Variants in PLD5 observed in about 807,000 individuals in gnomAD.
PLD5 encodes the protein inactive phospholipase D5.
A neutral mutation model predicts 61.1 loss-of-function variants in PLD5; 36 were observed. That is an observed-to-expected ratio of 0.59 (90% confidence interval 0.45 to 0.78). The LOEUF is 0.78. Among genes scored for constraint, PLD5 ranks in the 30% least tolerant of loss-of-function variants. The pLI, the probability that PLD5 is intolerant of heterozygous loss-of-function variation, is 0.00. For missense variants in PLD5, 515 were observed against 644.4 expected, an observed-to-expected ratio of 0.80 and a Z score of 2.17; for synonymous variants, 243 against 242.8, an observed-to-expected ratio of 1.00 and a Z score of -0.01.
At chr1:242,411,561 T>C (rs555452815) in intron 1 of PLD5, among the ~76,000 whole-genome samples, 1 of 152,328 alleles carries the variant, frequency 6.6e-6, no homozygotes, top group South Asian at 2.1e-4. Context: ...AGCATTGTGC[T>C]TTAATGAGAG....
chr1:242,517,952 G>C (rs753094379), intron 1 of PLD5, among the ~76,000 whole-genome samples: 26 of 152,002 alleles, frequency 1.7e-4, no homozygotes, highest in Admixed American at 5.9e-4. Flanking sequence ...GTTATTGCTG[G>C]ATCAGACCTA....
chr1:242,279,636 C>A (rs1192148255), intron 3 of PLD5, among the ~76,000 whole-genome samples: 5 of 152,138 alleles, frequency 3.3e-5, no homozygotes, highest in Middle Eastern at 3.4e-3. Context: ...CGGGTTCAAG[C>A]GATTCCCCCG....
At chr1:242,230,251 T>G (rs924205456) in intron 4 of PLD5, among the ~76,000 whole-genome samples, 2 of 152,216 alleles carry the variant, frequency 1.3e-5, no homozygotes, top group Admixed American at 6.5e-5. Context: ...TTTAACATTA[T>G]CTTATTTCTA....
intron 5 of PLD5, among the ~76,000 whole-genome samples, chr1:242,188,369 C>G (rs751290359): frequency 1.3e-5 from 2 of 152,054 alleles, no homozygotes; most frequent in African/African-American, 2.4e-5. Context: ...CATGAGTGTG[C>G]AGAAGGTAGA....
intron 5 of PLD5, among the ~76,000 whole-genome samples, chr1:242,159,615 T>TCTG (rs971992685): frequency 2.0e-5 from 3 of 152,068 alleles, no homozygotes; most frequent in African/African-American, 2.4e-5. Flanking sequence ...CACCCATAGG[T>TCTG]CTGTAATCAC....
intron 6 of PLD5, among the ~76,000 whole-genome samples, chr1:242,123,674 G>A (rs78344277): frequency 0.12 from 18,095 of 152,316 alleles, 1,373 homozygotes; most frequent in East Asian, 0.18. Flanking sequence ...GGCCCCAGCC[G>A]AAAATCAATT....
At chr1:242,378,690 A>G (rs1662108523) in intron 1 of PLD5, among the ~76,000 whole-genome samples, 1 of 151,912 alleles carries the variant, frequency 6.6e-6, no homozygotes, top group Non-Finnish European at 1.5e-5. Context: ...AAAATACAAA[A>G]ATTAGCTGGG....
At chr1:242,164,466 G>A (rs1471078914) in intron 5 of PLD5, among the ~76,000 whole-genome samples, 1 of 152,018 alleles carries the variant, frequency 6.6e-6, no homozygotes, top group Non-Finnish European at 1.5e-5. Flanking sequence ...TCACTGACGG[G>A]CCATGTTAAT....
intron 5 of PLD5, among the ~76,000 whole-genome samples, chr1:242,200,940 A>C (rs1051178722): frequency 1.3e-5 from 2 of 152,244 alleles, no homozygotes; most frequent in Non-Finnish European, 2.9e-5. Flanking sequence ...GATTTCTCCC[A>C]CAGGCTTCTG....
intron 1 of PLD5, among the ~76,000 whole-genome samples, chr1:242,384,420 T>C (rs1011791303): frequency 1.2e-4 from 18 of 152,180 alleles, no homozygotes; most frequent in African/African-American, 4.3e-4. Context: ...TTGGCAAAAA[T>C]TTTAGAATGG....
chr1:242,376,787 G>C (rs1438774482), intron 1 of PLD5: 44 of 848,098 alleles, frequency 5.2e-5, no homozygotes, highest in Non-Finnish European at 7.2e-5. Flanking sequence ...GTGAAGGAAG[G>C]TACGTTGAAA....
At chr1:242,476,238 C>A (rs775398339) in intron 1 of PLD5, among the ~76,000 whole-genome samples, 1 of 152,036 alleles carries the variant, frequency 6.6e-6, no homozygotes, top group Non-Finnish European at 1.5e-5. Context: ...GCCTGTAATC[C>A]CAGCTACTCA....
At chr1:242,499,605 T>G (rs1291839933) in intron 1 of PLD5, among the ~76,000 whole-genome samples, 1 of 152,184 alleles carries the variant, frequency 6.6e-6, no homozygotes, top group Non-Finnish European at 1.5e-5. Flanking sequence ...TTTTTGTTTG[T>G]TTTAGTGTAA....
In PLD5 at chr1:242,178,638, C is replaced by T. The variant is rs868721788; in HGVS notation, c.735+41350G>A. Among the ~76,000 whole-genome samples, 15 of 152,252 alleles carry T rather than the reference C, an allele frequency of 9.9e-5. No individual in the cohort carries two copies. In the Middle Eastern group the frequency reaches 0.01, roughly 104 times the overall value. On this transcript the variant is annotated intron_variant, in intron 5 of 9. Transcript: ENST00000536534. ...TGTATTATGCTGCCAGCTACAAATGCGTTAATTAACACTCAAATCACAATG... is the reference window on the plus strand; with the variant it reads ...TGTATTATGCTGCCAGCTACAAATGTGTTAATTAACACTCAAATCACAATG...
At chr1:242,526,404 C>G (rs1401275731), upstream of PLD5, among the ~76,000 whole-genome samples, 1 of 152,106 alleles carries the variant, frequency 6.6e-6, no homozygotes, top group African/African-American at 2.4e-5. Flanking sequence ...ACTATACATT[C>G]CATTGTATAG....
intron 1 of PLD5, among the ~76,000 whole-genome samples, chr1:242,454,445 A>G (rs183063315): frequency 2.2e-4 from 34 of 152,240 alleles, no homozygotes; most frequent in Non-Finnish European, 4.1e-4. Flanking sequence ...TTCTGTTTCA[A>G]TAGACTTAAA....
chr1:242,142,372 C>T (rs1432895317), intron 5 of PLD5, among the ~76,000 whole-genome samples: 1 of 152,218 alleles, frequency 6.6e-6, no homozygotes, highest in East Asian at 1.9e-4. Flanking sequence ...GATGAACCTT[C>T]TCAAATAGTC....
intron 1 of PLD5, among the ~76,000 whole-genome samples, chr1:242,483,488 C>A (rs1174174799): frequency 6.6e-6 from 1 of 152,182 alleles, no homozygotes; most frequent in Non-Finnish European, 1.5e-5. Context: ...GTAAAGGGAT[C>A]AATTCAACAA....
chr1:242,380,467 G>A (rs560944496), intron 1 of PLD5, among the ~76,000 whole-genome samples: 1 of 152,262 alleles, frequency 6.6e-6, no homozygotes, highest in East Asian at 1.9e-4. Flanking sequence ...AACCAAGATG[G>A]AAGTACTAAG....
Sources: gnomAD v4.1 joint callset for allele counts (sites outside exome capture counted in the v4.1 genomes callset) on GRCh38, gnomAD v4.1.1 for gene constraint, MANE v1.5 for transcripts, NCBI Gene and HGNC (gene_info 2026-07-23, HGNC 2026-07-21) for gene names.